The following TRPM3 variants were observed in gnomAD, a reference collection of about 807,000 sequenced individuals.
The protein encoded by TRPM3 is transient receptor potential cation channel subfamily M member 3, also known as long transient receptor potential channel 3.
Under a neutral mutation model 181.2 loss-of-function variants are expected in TRPM3, and 77 were observed. That is an observed-to-expected ratio of 0.42 (90% CI 0.35 to 0.51). TRPM3 has a LOEUF of 0.51. Ranked by LOEUF, TRPM3 falls within the 20% of genes least tolerant of loss-of-function variation. TRPM3 has a pLI of 0.01. For synonymous variants in TRPM3, 745 were observed against 796.4 expected (o/e 0.94, Z 1.09); for missense variants, 1,759 against 2,196.7 (o/e 0.80, Z 3.98).
intron 1 of TRPM3, among the ~76,000 whole-genome samples, chr9:70,936,173 T>C (rs2096826922): frequency 6.6e-6 from 1 of 152,216 alleles, no homozygotes; most frequent in Non-Finnish European, 1.5e-5. Context: ...GCATAACAAA[T>C]GTACTGTAAG....
At chr9:71,010,205 G>A (rs547818667) in intron 1 of TRPM3, among the ~76,000 whole-genome samples, 1 of 151,950 alleles carries the variant, frequency 6.6e-6, no homozygotes, top group East Asian at 1.9e-4. Context: ...CAAAAACATA[G>A]GCAACAAATG....
chr9:71,134,012 TGTGCGCGTGCGC>T (rs931654995), intron 1 of TRPM3, among the ~76,000 whole-genome samples: 25 of 131,426 alleles, frequency 1.9e-4, no homozygotes, highest in African/African-American at 4.5e-4. Context: ...TGTGTGTGTG[TGTGCGCGTGCGC>T]GCGCGCGCGT....
chr9:71,239,547 T>G (rs1281392193), intron 1 of TRPM3, among the ~76,000 whole-genome samples: 1 of 152,114 alleles, frequency 6.6e-6, no homozygotes, highest in Non-Finnish European at 1.5e-5. Context: ...ACTAAAAGTA[T>G]TAGCAGACAT....
At chr9:70,679,017 G>T (rs2064760755) in intron 9 of TRPM3, among the ~76,000 whole-genome samples, 1 of 152,124 alleles carries the variant, frequency 6.6e-6, no homozygotes, top group South Asian at 2.1e-4. Context: ...CATAGATAAT[G>T]TTCATGATGG....
intron 22 of TRPM3, among the ~76,000 whole-genome samples, chr9:70,585,153 C>T (rs2056845167): frequency 6.6e-6 from 1 of 152,208 alleles, no homozygotes; most frequent in Non-Finnish European, 1.5e-5. Context: ...TGCTGATTTA[C>T]TCTTACATCA....
chr9:71,085,058 G>T (rs778508381), intron 1 of TRPM3, among the ~76,000 whole-genome samples: 1 of 152,022 alleles, frequency 6.6e-6, no homozygotes, highest in Non-Finnish European at 1.5e-5. Flanking sequence ...AAATGGTGCT[G>T]AGATAACTGG....
intron 1 of TRPM3, among the ~76,000 whole-genome samples, chr9:71,330,723 A>G (rs915182547): frequency 5.9e-5 from 9 of 151,800 alleles, no homozygotes; most frequent in Admixed American, 6.6e-5. Flanking sequence ...GAGAGAAGAG[A>G]TAAGGGGAAT....
intron 1 of TRPM3, among the ~76,000 whole-genome samples, chr9:71,168,587 T>TTA (rs1385456610): frequency 2.9e-5 from 2 of 68,616 alleles, no homozygotes; most frequent in African/African-American, 6.9e-5. Context: ...TGTTTTTTAT[T>TTA]TTTTTATTTT....
chr9:71,358,978 A>G (rs889720634), intron 1 of TRPM3, among the ~76,000 whole-genome samples: 1 of 152,236 alleles, frequency 6.6e-6, no homozygotes, highest in Non-Finnish European at 1.5e-5. Context: ...ACGCATCAAA[A>G]TAAATAAACT....
intron 1 of TRPM3, among the ~76,000 whole-genome samples, chr9:71,269,182 T>C (rs968060868): frequency 1.3e-5 from 2 of 152,192 alleles, no homozygotes; most frequent in Non-Finnish European, 2.9e-5. Context: ...TGGTACATTA[T>C]ACACAAGGCT....
rs563861291 is a variant in TRPM3, at chr9:70,759,815, G to A, written c.1272+1786C>T. Among the ~76,000 whole-genome samples the A allele has an allele frequency of 1.3e-4, 20 of 152,030 alleles. 1 individual carries two copies. The highest frequency in any genetic ancestry group is 6.2e-4 in the South Asian group (3 of 4,818). On this transcript the variant is annotated intron_variant, in intron 8 of 25. Coordinates refer to ENST00000677713, the MANE Select transcript of TRPM3 (RefSeq NM_001366145.2). ...ACATGGACACAGGGAGGGTAACATC[G>A]CACACCAGGGCCTCTCAGGGGGTGG...
At chr9:71,438,513 A>T (rs986729176) in intron 1 of TRPM3, among the ~76,000 whole-genome samples, 7 of 151,436 alleles carry the variant, frequency 4.6e-5, no homozygotes, top group African/African-American at 1.7e-4. Context: ...CTACAAAAAA[A>T]AATATAAAAA....
intron 22 of TRPM3, among the ~76,000 whole-genome samples, chr9:70,571,880 AAG>A (rs1291204064): frequency 6.6e-6 from 1 of 152,194 alleles, no homozygotes; most frequent in African/African-American, 2.4e-5. Flanking sequence ...TCAGAGCAGA[AAG>A]AGGCTTCTGC....
chr9:70,945,018 A>G (rs888139224), intron 1 of TRPM3, among the ~76,000 whole-genome samples: 14 of 152,188 alleles, frequency 9.2e-5, no homozygotes, highest in Non-Finnish European at 1.9e-4. Flanking sequence ...TCTTTGAGCC[A>G]CATTCATTTT....
rs558453624 is a variant in TRPM3, at chr9:71,143,443, G to T, written c.184-278932C>A. 2.0e-5 allele frequency among the ~76,000 whole-genome samples: 3 copies of T among 152,182 alleles called. No individual in the cohort carries two copies. In the East Asian group the frequency reaches 5.8e-4, roughly 29 times the overall value. ...TTACAAGTGGGAATATGTGGTATTTGGTTTTCTGTTCTTGTGTTAGTTTAC... is the reference window on the plus strand; with the variant it reads ...TTACAAGTGGGAATATGTGGTATTTTGTTTTCTGTTCTTGTGTTAGTTTAC... On this transcript the variant is annotated intron_variant, in intron 1 of 24. Transcript: ENST00000357533.
At chr9:70,944,191 G>A (rs1296931161) in intron 1 of TRPM3, among the ~76,000 whole-genome samples, 1 of 152,180 alleles carries the variant, frequency 6.6e-6, no homozygotes, top group East Asian at 1.9e-4. Context: ...GAAATCACTG[G>A]AGGGCTGGAG....
chr9:70,755,845 A>G (rs1587900734), intron 8 of TRPM3, among the ~76,000 whole-genome samples: 1 of 152,190 alleles, frequency 6.6e-6, no homozygotes. Flanking sequence ...GAAAGGAAAA[A>G]CCAGTACTAG....
At chr9:71,303,031 G>A (rs188844968) in intron 1 of TRPM3, among the ~76,000 whole-genome samples, 25 of 152,226 alleles carry the variant, frequency 1.6e-4, no homozygotes, top group Admixed American at 5.2e-4. Flanking sequence ...AGCACTGGGC[G>A]CTCACCAATG....
intron 22 of TRPM3, among the ~76,000 whole-genome samples, chr9:70,553,632 C>T (rs1050818673): frequency 8.5e-5 from 13 of 152,158 alleles, no homozygotes; most frequent in African/African-American, 3.1e-4. Context: ...TCTTCTGAAG[C>T]CTGATTGAGA....
Sources: gnomAD v4.1 joint callset for allele counts (sites outside exome capture counted in the v4.1 genomes callset) on GRCh38, gnomAD v4.1.1 for gene constraint, MANE v1.5 for transcripts, NCBI Gene and HGNC (gene_info 2026-07-23, HGNC 2026-07-21) for gene names.